Variants in MTMR12 observed in about 807,000 individuals in gnomAD.
MTMR12 encodes myotubularin related protein 12.
MTMR12 carries 33 observed loss-of-function variants against 96.7 expected under a neutral mutation model. That is an observed-to-expected ratio of 0.34 (90% CI 0.26 to 0.46). The LOEUF (loss-of-function observed/expected upper bound fraction) is 0.46. MTMR12 is among the 20% of genes least tolerant of loss of function. The pLI is 1.00. For missense variants in MTMR12, 721 were observed against 896.1 expected (o/e 0.80, Z 2.49); for synonymous variants, 298 against 327.2 (o/e 0.91, Z 0.96).
chr5:32,303,868 A>C (rs1229308711), intron 1 of MTMR12, among the ~76,000 whole-genome samples: 2 of 151,376 alleles, frequency 1.3e-5, no homozygotes, highest in African/African-American at 4.9e-5. Flanking sequence ...AAAAAAAAAA[A>C]AAACCACAAC....
chr5:32,306,614 C>T (rs1751376486), intron 1 of MTMR12, among the ~76,000 whole-genome samples: 1 of 151,952 alleles, frequency 6.6e-6, no homozygotes, highest in African/African-American at 2.4e-5. Context: ...ACTTTTCTTC[C>T]CACATGTAAA....
At position 32,245,980 on chromosome 5, in the gene MTMR12, G is replaced by A. The variant is rs141255295; in HGVS notation, c.1021+2022C>T. Among the ~76,000 whole-genome samples the A allele has an allele frequency of 1.1e-4, 17 of 152,192 alleles. No individual in the cohort carries two copies. In the East Asian group the frequency reaches 3.3e-3, roughly 29 times the overall value. Reference sequence around the variant, plus strand: ...CCTGGCTGGACCACTTCCACCTCTCGGTAGCCATTGCTTTGATTGTATTTT... The same window carrying A: ...CCTGGCTGGACCACTTCCACCTCTCAGTAGCCATTGCTTTGATTGTATTTT... On this transcript the variant is annotated intron_variant, in intron 10 of 15. Transcript: ENST00000382142.
At position 32,274,093 on chromosome 5, in the gene MTMR12, C is replaced by T. The variant is rs1561783492; in HGVS notation, c.172G>A (p.Val58Ile). Residue 58 changes from valine to isoleucine, a missense_variant, in exon 3 of 16, where the codon GTA (valine) becomes ATA (isoleucine). Transcript: ENST00000382142. ...GEQLLCEAST[V>I]LKYVQEDSCQ... Reference sequence around the variant, plus strand: ...GAATCTTCCTGGACATACTTCAGTACTGTGCTGGCTTCACAAAGCAGCTGT... The same window carrying T: ...GAATCTTCCTGGACATACTTCAGTATTGTGCTGGCTTCACAAAGCAGCTGT... The T allele has an allele frequency of 5.6e-6, 9 of 1,614,226 alleles. No homozygotes were observed. Among genetic ancestry groups the T allele is most frequent in the Non-Finnish European group, 6.8e-6 (8 of 1,180,028 alleles).
At chr5:32,271,003 AT>A in intron 4 of MTMR12, 56 bp from the exon 5 acceptor site, 1 of 1,535,682 alleles carries the variant, frequency 6.5e-7, no homozygotes, top group Non-Finnish European at 8.8e-7. Context: ...CAATAAGTGA[AT>A]GCTAAAGAAA....
chr5:32,267,397 G>T (rs1321506580), intron 6 of MTMR12, among the ~76,000 whole-genome samples: 1 of 131,408 alleles, frequency 7.6e-6, no homozygotes, highest in African/African-American at 3.0e-5. Context: ...AAAAAAAAAA[G>T]AGTAATGGAC....
At chr5:32,282,400 G>A (rs1040927269) in intron 1 of MTMR12, among the ~76,000 whole-genome samples, 5 of 150,878 alleles carry the variant, frequency 3.3e-5, no homozygotes, top group East Asian at 1.9e-4. Flanking sequence ...CAGCCTGGGC[G>A]ACAGAGCAAG....
chr5:32,292,927 G>A (rs773849054), intron 1 of MTMR12, among the ~76,000 whole-genome samples: 4 of 152,164 alleles, frequency 2.6e-5, no homozygotes, highest in Non-Finnish European at 4.4e-5. Flanking sequence ...AAACATGTTT[G>A]TGCATATATA....
chr5:32,276,037 G>A (rs1345815218), intron 2 of MTMR12, among the ~76,000 whole-genome samples: 5 of 152,118 alleles, frequency 3.3e-5, no homozygotes, highest in Non-Finnish European at 1.5e-5. Context: ...AGTAGAAAAA[G>A]AATTAAATAC....
intron 1 of MTMR12, among the ~76,000 whole-genome samples, chr5:32,306,496 T>G (rs1446991611): frequency 6.6e-6 from 1 of 152,092 alleles, no homozygotes. Context: ...AAATAAGAAC[T>G]AGGCAACAGA....
rs181895264 is a variant in MTMR12, at chr5:32,292,780, G to A, written c.82-16038C>T. Among the ~76,000 whole-genome samples the A allele has an allele frequency of 2.3e-3, 352 of 152,370 alleles. 3 individuals carry two copies. The highest frequency in any genetic ancestry group is 3.8e-3 in the Non-Finnish European group (261 of 68,028). On this transcript the variant is annotated intron_variant, in intron 1 of 15. Transcript: ENST00000382142. Reference sequence around the variant, plus strand: ...TAGGGAAAAAAAACCACGACCTGCTGAGGTGTTTGCTGAAGGCAAAGGGAA... The same window carrying A: ...TAGGGAAAAAAAACCACGACCTGCTAAGGTGTTTGCTGAAGGCAAAGGGAA...
At chr5:32,238,441 G>A (rs1748327714) in intron 13 of MTMR12, among the ~76,000 whole-genome samples, 1 of 152,082 alleles carries the variant, frequency 6.6e-6, no homozygotes, top group African/African-American at 2.4e-5. Flanking sequence ...TCAAACTCCT[G>A]TTCTCCCAAA....
chr5:32,273,644 G>A (rs1410602812), intron 3 of MTMR12, among the ~76,000 whole-genome samples: 3 of 152,064 alleles, frequency 2.0e-5, no homozygotes, highest in Admixed American at 1.3e-4. Flanking sequence ...ATTTCTTAAC[G>A]GTCCTGCCAC....
intron 10 of MTMR12, among the ~76,000 whole-genome samples, chr5:32,246,170 G>GTT (rs113738556): frequency 1.2e-3 from 97 of 82,812 alleles, no homozygotes; most frequent in African/African-American, 3.5e-3. Flanking sequence ...TGAGTAGACA[G>GTT]TTTTTTTTTT....
chr5:32,273,480 G>C (rs144451727), intron 3 of MTMR12, among the ~76,000 whole-genome samples: 4 of 152,352 alleles, frequency 2.6e-5, no homozygotes, highest in African/African-American at 9.6e-5. Context: ...TGGGTTTAAG[G>C]AAGAGCTTAG....
chr5:32,242,130 G>T lies in MTMR12; in HGVS notation c.1101-3C>A. On this transcript the variant is annotated splice_polypyrimidine_tract_variant and splice_region_variant and intron_variant, in intron 11 of 15. Transcript: ENST00000382142. ...CTATTGCTTTTTTCAGGCAACGTCT[G>T]AATAGGAAAGAGACAAGAAAAAGGG... 1 of 1,606,342 alleles carries T rather than the reference G, an allele frequency of 6.2e-7. No homozygotes were observed. The highest frequency in any genetic ancestry group is 1.1e-5 in the South Asian group (1 of 90,612).
At chr5:32,272,386 T>G (rs1465377146) in intron 3 of MTMR12, among the ~76,000 whole-genome samples, 1 of 152,054 alleles carries the variant, frequency 6.6e-6, no homozygotes, top group Non-Finnish European at 1.5e-5. Context: ...CTCCTGAGAT[T>G]CATTCTGAGA....
At chr5:32,243,642 C>G in intron 10 of MTMR12, 43 bp from the exon 11 acceptor site, 1 of 1,296,562 alleles carries the variant, frequency 7.7e-7, no homozygotes, top group Non-Finnish European at 1.1e-6. Context: ...TCATTGTTCA[C>G]TGACATACTT....
chr5:32,310,743 G>A (rs1241989994), intron 1 of MTMR12, among the ~76,000 whole-genome samples: 1 of 152,148 alleles, frequency 6.6e-6, no homozygotes, highest in Non-Finnish European at 1.5e-5. Context: ...GGTGACTACA[G>A]TCAACAATAA....
intron 1 of MTMR12, among the ~76,000 whole-genome samples, chr5:32,282,818 T>C (rs1014981620): frequency 1.3e-5 from 2 of 152,246 alleles, no homozygotes; most frequent in Non-Finnish European, 2.9e-5. Context: ...GCAATGTCTG[T>C]AGTCTCTTCA....
Sources: gnomAD v4.1 joint callset for allele counts (sites outside exome capture counted in the v4.1 genomes callset) on GRCh38, gnomAD v4.1.1 for gene constraint, MANE v1.5 for transcripts, NCBI Gene and HGNC (gene_info 2026-07-23, HGNC 2026-07-21) for gene names.